The following REXO5 variants were observed in gnomAD, a reference collection of about 807,000 sequenced individuals.
REXO5 encodes exonuclease NEF-sp.
REXO5 carries 48 observed loss-of-function variants against 88.5 expected under a neutral mutation model. That is an observed-to-expected ratio of 0.54 (90% CI 0.43 to 0.69). The LOEUF (loss-of-function observed/expected upper bound fraction) is 0.69, where lower values mean the gene tolerates loss of function less well. REXO5 is among the 30% of genes least tolerant of loss of function. The probability of loss-of-function intolerance (pLI) is 0.00; values close to 1 mark genes in which losing one functional copy is unlikely to be tolerated. For synonymous variants in REXO5, 311 were observed against 336.5 expected, an observed-to-expected ratio of 0.92 and a Z score of 0.83; for missense variants, 749 against 912.2, an observed-to-expected ratio of 0.82 and a Z score of 2.30.
intron 13 of REXO5, among the ~76,000 whole-genome samples, chr16:20,835,499 G>C (rs1184665762): frequency 6.6e-6 from 1 of 151,986 alleles, no homozygotes; most frequent in Non-Finnish European, 1.5e-5. Flanking sequence ...CCTTGACCTC[G>C]CATAGTTTAC....
At chr16:20,819,175 A>G (rs1262199171) in intron 5 of REXO5, among the ~76,000 whole-genome samples, 1 of 151,898 alleles carries the variant, frequency 6.6e-6, no homozygotes, top group African/African-American at 2.4e-5. Flanking sequence ...TCTATCATTT[A>G]TGGGCATTTG....
Position 20,806,596 on chromosome 16 carries a change from G to C in REXO5, c.-112G>C. ...GCCCGTCTTCTCTTCTGCGTTTCCC[G>C]GGCTAGGGGGCGTGGGGAGTGGTTT... On this transcript the variant is annotated 5_prime_UTR_variant, in exon 1 of 20. Transcript: ENST00000261377. The C allele has an allele frequency of 1.4e-6, 2 of 1,432,484 alleles. No homozygotes were observed. The highest frequency in any genetic ancestry group is 1.4e-5 in the South Asian group (1 of 70,402). The allele number at this position is 1,432,484 out of a possible 1,614,324, so 88.7% of individuals were successfully genotyped here. A position where few individuals can be genotyped will look rare whatever the true frequency, so the allele number is the denominator to read the frequency against.
rs1375091636 is a variant in REXO5, at chr16:20,823,743, G to T, written c.617-696G>T. ...TTACTGCTCCAGCCTCTGCCTGAAG[G>T]TAGAAATCTTCAACAATTCAGATGC... On this transcript the variant is annotated intron_variant, in intron 6 of 19. Coordinates refer to ENST00000261377, the MANE Select transcript of REXO5 (RefSeq NM_030941.3). Among the ~76,000 whole-genome samples the T allele has an allele frequency of 2.0e-5, 3 of 152,178 alleles. No homozygotes were observed. The East Asian group carries it at 5.8e-4, about 29-fold the overall frequency.
chr16:20,840,583 G>A (rs1230641514), intron 15 of REXO5, 115 bp downstream of exon 15: 1 of 885,590 alleles, frequency 1.1e-6, no homozygotes, highest in African/African-American at 1.6e-5. Context: ...CTACCAACTG[G>A]AGTGTGAGAC....
At chr16:20,825,806 C>T (rs1305112893) in intron 7 of REXO5, 27 bp from the exon 8 acceptor site, 2 of 1,498,548 alleles carry the variant, frequency 1.3e-6, no homozygotes, top group East Asian at 4.5e-5. Flanking sequence ...CACAGTTCAG[C>T]AGCCTGACTA....
At chr16:20,835,783 T>C (rs1172113842) in intron 13 of REXO5, among the ~76,000 whole-genome samples, 1 of 152,086 alleles carries the variant, frequency 6.6e-6, no homozygotes, top group African/African-American at 2.4e-5. Flanking sequence ...TGCAGTAGTT[T>C]ACACCTGTAA....
At chr16:20,817,672 C>T (rs1220137880) in intron 5 of REXO5, among the ~76,000 whole-genome samples, 1 of 152,208 alleles carries the variant, frequency 6.6e-6, no homozygotes, top group Non-Finnish European at 1.5e-5. Flanking sequence ...TCTCCATCCT[C>T]CTAAGTATTT....
chr16:20,815,647 A>G (rs1472142448), intron 4 of REXO5, among the ~76,000 whole-genome samples: 2 of 152,216 alleles, frequency 1.3e-5, no homozygotes, highest in Non-Finnish European at 2.9e-5. Context: ...ATAGTCTTAT[A>G]AAATAGATAC....
At chr16:20,841,746 C>T (rs577635938) in intron 15 of REXO5, among the ~76,000 whole-genome samples, 146 of 152,260 alleles carry the variant, frequency 9.6e-4, no homozygotes, top group African/African-American at 3.3e-3. Flanking sequence ...GCTGAGACGA[C>T]AGGTATGTGC....
intron 3 of REXO5, among the ~76,000 whole-genome samples, chr16:20,814,000 G>A (rs993325698): frequency 3.9e-5 from 6 of 152,104 alleles, no homozygotes; most frequent in African/African-American, 1.2e-4. Flanking sequence ...GTCTTTCTGG[G>A]GGAGGTTGTT....
intron 5 of REXO5, among the ~76,000 whole-genome samples, chr16:20,817,762 C>G (rs1262689298): frequency 1.3e-5 from 2 of 152,168 alleles, no homozygotes. Context: ...TCAGTCTTTC[C>G]TTCGGAGCAT....
At chr16:20,819,382 T>TCTTTC (rs1005416718) in intron 5 of REXO5, among the ~76,000 whole-genome samples, 1 of 151,854 alleles carries the variant, frequency 6.6e-6, no homozygotes, top group East Asian at 1.9e-4. Context: ...TTTCTTCATT[T>TCTTTC]CTTTCCTTTC....
chr16:20,812,178 G>GT (rs2081009063), intron 2 of REXO5, among the ~76,000 whole-genome samples: 1 of 152,134 alleles, frequency 6.6e-6, no homozygotes, highest in South Asian at 2.1e-4. Context: ...CTGTTAATGA[G>GT]TCTTTTGTAA....
intron 5 of REXO5, among the ~76,000 whole-genome samples, chr16:20,817,848 C>G (rs1003632194): frequency 6.6e-6 from 1 of 152,178 alleles, no homozygotes; most frequent in Non-Finnish European, 1.5e-5. Flanking sequence ...GTCTGATGCC[C>G]CAGATTGCAG....
intron 13 of REXO5, among the ~76,000 whole-genome samples, chr16:20,836,293 G>A (rs1445990819): frequency 6.6e-6 from 1 of 152,068 alleles, no homozygotes; most frequent in Non-Finnish European, 1.5e-5. Context: ...TGATGAATGT[G>A]CTCTGCCTGT....
intron 10 of REXO5, 109 bp from the exon 11 acceptor site, chr16:20,828,321 AAATCT>A: frequency 1.5e-6 from 1 of 678,496 alleles, no homozygotes; most frequent in East Asian, 2.8e-5. Context: ...TTTGTGATGC[AAATCT>A]AATTATCAGA....
intron 7 of REXO5, 81 bp downstream of exon 7, chr16:20,824,608 T>TA: frequency 1.2e-6 from 1 of 831,406 alleles, no homozygotes. Context: ...TCTAATGCAC[T>TA]AATGAACGAA....
At chr16:20,815,591 A>G (rs897859233) in intron 4 of REXO5, among the ~76,000 whole-genome samples, 21 of 152,222 alleles carry the variant, frequency 1.4e-4, no homozygotes, top group African/African-American at 3.9e-4. Flanking sequence ...CAGGCTCTCT[A>G]TTAACCACGG....
chr16:20,837,364 T>C (rs1278228198), intron 13 of REXO5, among the ~76,000 whole-genome samples: 1 of 152,174 alleles, frequency 6.6e-6, no homozygotes, highest in East Asian at 1.9e-4. Context: ...ATTTAGGTTA[T>C]AGTTTCTTTT....
Sources: allele counts gnomAD v4.1 joint callset (sites outside exome capture counted in the v4.1 genomes callset), GRCh38; gene constraint gnomAD v4.1.1; transcripts MANE v1.5; gene names NCBI Gene and HGNC (gene_info 2026-07-23, HGNC 2026-07-21).